Variants in BDP1 observed in about 807,000 individuals in gnomAD.
BDP1 encodes the protein transcription factor TFIIIB component B'' homolog.
Under a neutral mutation model 266.6 loss-of-function variants are expected in BDP1, and 169 were observed. That is an observed-to-expected ratio of 0.63 (90% CI 0.56 to 0.72). The LOEUF is 0.72. BDP1 is among the 30% of genes least tolerant of loss of function. BDP1 has a pLI of 0.00. For synonymous variants in BDP1, 1,090 were observed against 1,022.4 expected (o/e 1.07, Z -1.26); for missense variants, 3,015 against 3,053.8 (o/e 0.99, Z 0.30).
chr5:71,573,404 C>A, the BDP1 span, among the ~76,000 whole-genome samples: 1 of 152,054 alleles, frequency 6.6e-6, no homozygotes, highest in African/African-American at 2.4e-5. Context: ...GTCCTTAGGA[C>A]CTTGTGCTTT....
chr5:71,467,086 T>G (rs1050470697), intron 5 of BDP1, among the ~76,000 whole-genome samples: 2 of 152,228 alleles, frequency 1.3e-5, no homozygotes, highest in African/African-American at 4.8e-5. Context: ...AAATACCGTT[T>G]TATAATACGT....
intron 20 of BDP1, 70 bp downstream of exon 20, chr5:71,515,192 T>C (rs1765156756): frequency 1.7e-6 from 2 of 1,194,682 alleles, no homozygotes; most frequent in Admixed American, 6.0e-5. Context: ...TAATTTTTAT[T>C]GAGATATGTT....
At chr5:71,487,141 A>G (rs1763307616) in intron 9 of BDP1, among the ~76,000 whole-genome samples, 1 of 152,222 alleles carries the variant, frequency 6.6e-6, no homozygotes, top group Admixed American at 6.6e-5. Context: ...GTCTATAAGG[A>G]CAATGTTTAG....
At chr5:71,467,320 A>G (rs1426004062) in intron 5 of BDP1, 34 bp from the exon 6 acceptor site, 1 of 1,510,286 alleles carries the variant, frequency 6.6e-7, no homozygotes, top group Non-Finnish European at 9.1e-7. Context: ...CCTTGTTTTT[A>G]GTATACATCT....
downstream of BDP1, among the ~76,000 whole-genome samples, chr5:71,569,393 A>G (rs1197648709): frequency 6.6e-6 from 1 of 150,392 alleles, no homozygotes; most frequent in Non-Finnish European, 1.5e-5. Context: ...TCAGGGTTGC[A>G]GTGAGGTATG....
chr5:71,560,734 A>G (rs992635454), intron 37 of BDP1, among the ~76,000 whole-genome samples: 4 of 152,202 alleles, frequency 2.6e-5, no homozygotes, highest in Non-Finnish European at 5.9e-5. Flanking sequence ...AATGATTATC[A>G]ATAATTATTG....
chr5:71,549,323 T>C (rs1742578027), intron 33 of BDP1, 97 bp from the exon 34 acceptor site: 2 of 997,374 alleles, frequency 2.0e-6, no homozygotes, highest in African/African-American at 3.3e-5. Context: ...TGATGATAAG[T>C]TGTCCTGAGA....
In BDP1 at chr5:71,512,290, AAAG is replaced by A. The variant is rs879255413; in HGVS notation, c.4112_4114del (p.Arg1371del). On this transcript the variant is annotated inframe_deletion, in exon 18 of 39. Transcript: ENST00000358731. ...ATGATGCATACACCTGTAGAAGAAA[AAAG>A]AAATTCTGAAAAAGAAGTATCAAGT... 13 of 1,592,176 alleles carry A rather than the reference AAAG, an allele frequency of 8.2e-6. No individual in the cohort carries two copies. Among genetic ancestry groups the A allele is most frequent in the Middle Eastern group, 1.7e-4 (1 of 5,870 alleles).
Position 71,562,334 on chromosome 5 carries a change from T to C in BDP1, c.7557T>C (p.Ser2519=), listed in dbSNP as rs549787371. 1.1e-5 allele frequency: 17 copies of C among 1,613,340 alleles called. No individual in the cohort carries two copies. The highest frequency in any genetic ancestry group is 3.3e-5 in the Admixed American group (2 of 59,930). The change falls in exon 38 of 39, where the codon TCT becomes TCC. Residue 2519 remains serine (S), a synonymous_variant. Coordinates refer to ENST00000358731, the MANE Select transcript of BDP1 (RefSeq NM_018429.3). Reference sequence around the variant, plus strand: ...TATGCTCAAAGAATAGTTTGGAGTCTGATGAACCTATGCAAGTCCATAGTA... The same window carrying C: ...TATGCTCAAAGAATAGTTTGGAGTCCGATGAACCTATGCAAGTCCATAGTA... ...SLICSKNSLE[S]DEPMQVHSKK... is the part of the protein sequence containing the mutation.
intron 25 of BDP1, among the ~76,000 whole-genome samples, chr5:71,530,099 T>A (rs1226393784): frequency 6.6e-6 from 1 of 152,240 alleles, no homozygotes; most frequent in African/African-American, 2.4e-5. Context: ...AACTGTATGA[T>A]GCTTAAAAAA....
Position 71,509,757 on chromosome 5 carries a change from C to G in BDP1, c.2665C>G (p.Leu889Val), listed in dbSNP as rs1764792124. Residue 889 changes from leucine to valine, a missense_variant, in exon 17 of 39, where the codon CTA becomes GTA. Transcript: ENST00000358731. ...RRAISPREKI[L>V]DVIDDTIEME... ...AGCCATTTCTCCCAGGGAGAAGATT[C>G]TAGATGTGATTGATGACACCATAGA... 1.2e-6 allele frequency: 2 copies of G among 1,614,088 alleles called. No individual in the cohort carries two copies. The highest frequency in any genetic ancestry group is 1.7e-6 in the Non-Finnish European group (2 of 1,180,018).
At position 71,489,509 on chromosome 5, in the gene BDP1, A is replaced by G; in HGVS notation, c.1319A>G (p.Glu440Gly). 1 of 1,614,158 alleles carries G rather than the reference A, an allele frequency of 6.2e-7. No individual in the cohort carries two copies. Among genetic ancestry groups the G allele is most frequent in the South Asian group, 1.1e-5 (1 of 91,082 alleles). Residue 440 changes from glutamate (E) to glycine (G), a missense_variant, in exon 10 of 39, where the codon GAA becomes GGA. By Grantham distance (98) the Glu-to-Gly change is moderately conservative. Coordinates refer to ENST00000358731, the MANE Select transcript of BDP1 (RefSeq NM_018429.3). ...CAGAAGGATGCTCAGACAGTTGAAG[A>G]AGAGTCTCTGACCTTATCAAGGGAG... Reference protein sequence around the residue: ...RSQKDAQTVEEESLTLSREDA... With the variant: ...RSQKDAQTVEGESLTLSREDA...
rs1399535890 is a variant in BDP1, at chr5:71,559,849, T to C, written c.7241-133T>C. 5 of 830,808 alleles carry C rather than the reference T, an allele frequency of 6.0e-6. No homozygotes were observed. In the East Asian group the frequency reaches 1.0e-4, roughly 17 times the overall value. The allele number at this position is 830,808 out of a possible 1,614,324, so 51.5% of individuals were successfully genotyped here. ...TTCTTAATAATCCAAGTAACTCCAC[T>C]AATGATAATTTAGCTTACTCTTATT... On this transcript the variant is annotated intron_variant, in intron 36 of 38. Transcript: ENST00000358731.
chr5:71,492,688 G>T (rs1763663580), intron 11 of BDP1, among the ~76,000 whole-genome samples: 1 of 152,104 alleles, frequency 6.6e-6, no homozygotes, highest in South Asian at 2.1e-4. Context: ...TCCATAGGTT[G>T]CCTTTTCACT....
At chr5:71,471,118 A>G (rs1260136508) in intron 7 of BDP1, among the ~76,000 whole-genome samples, 1 of 145,492 alleles carries the variant, frequency 6.9e-6, no homozygotes, top group East Asian at 2.2e-4. Flanking sequence ...AATGTACCAG[A>G]GTACTTTGGT....
At chr5:71,563,006 C>G in intron 38 of BDP1, 1 of 700,736 alleles carries the variant, frequency 1.4e-6, no homozygotes, top group South Asian at 2.3e-5. Flanking sequence ...TGTTGAACAG[C>G]ATGAGCCTTT....
Position 71,510,384 on chromosome 5 carries a change from A to C in BDP1, c.3292A>C (p.Ile1098Leu), listed in dbSNP as rs763886546. Residue 1098 changes from isoleucine (I) to leucine (L), a missense_variant, in exon 17 of 39, where the codon ATA becomes CTA. By Grantham distance (5) the Ile-to-Leu change is conservative. This residue lies in a region of BDP1 where 2,383 missense variants were observed against 2,404.9 expected (regional missense o/e 0.99). Transcript: ENST00000358731. Reference sequence around the variant, plus strand: ...AGATTTGGAAGAAACTGAAAGAGAAATATCCCCACAGGAAAATGGCCTAGA... The same window carrying C: ...AGATTTGGAAGAAACTGAAAGAGAACTATCCCCACAGGAAAATGGCCTAGA... ...EIDLEETERE[I>L]SPQENGLEEV... The C allele has an allele frequency of 6.2e-7, 1 of 1,613,594 alleles. No homozygotes were observed. Among genetic ancestry groups the C allele is most frequent in the Non-Finnish European group, 8.5e-7 (1 of 1,179,926 alleles).
In BDP1 at chr5:71,510,391, C is replaced by G. The variant is rs1201765489; in HGVS notation, c.3299C>G (p.Pro1100Arg). 6.2e-7 allele frequency: 1 copy of G among 1,614,010 alleles called. No individual in the cohort carries two copies. Among genetic ancestry groups the G allele is most frequent in the South Asian group, 1.1e-5 (1 of 91,078 alleles). ...GAAGAAACTGAAAGAGAAATATCCC[C>G]ACAGGAAAATGGCCTAGAGGAGGTT... ...DLEETEREIS[P>R]QENGLEEVKP... is the part of the protein sequence containing the mutation. The change falls in exon 17 of 39, where the codon CCA (proline) becomes CGA (arginine). Residue 1100 changes from proline to arginine, a missense_variant. Around this residue, in one of 3 missense-constraint regions of BDP1, gnomAD observed 2,383 missense variants for 2,404.9 expected, o/e 0.99. Coordinates refer to ENST00000358731, the MANE Select transcript of BDP1 (RefSeq NM_018429.3).
intron 22 of BDP1, 76 bp from the exon 23 acceptor site, chr5:71,522,213 T>G (rs1240584001): frequency 3.6e-6 from 4 of 1,101,262 alleles, no homozygotes; most frequent in Non-Finnish European, 5.4e-6. Context: ...TATCCAAAAT[T>G]GTTTGATGTA....
Sources: gnomAD v4.1 joint callset for allele counts (sites outside exome capture counted in the v4.1 genomes callset) on GRCh38, gnomAD v4.1.1 for gene constraint, gnomAD v4.1.1 regional missense constraint, MANE v1.5 for transcripts, NCBI Gene and HGNC (gene_info 2026-07-23, HGNC 2026-07-21) for gene names.